NTRK3: variants seen among roughly 807,000 people sequenced by gnomAD.
NTRK3 encodes the protein neurotrophic receptor tyrosine kinase 3.
A neutral mutation model predicts 91.7 loss-of-function variants in NTRK3; 24 were observed. That is an observed-to-expected ratio of 0.26 (90% CI 0.19 to 0.37). The LOEUF is 0.37. NTRK3 is among the 10% of genes least tolerant of loss of function. NTRK3 has a pLI of 1.00. For missense variants in NTRK3, 880 were observed against 1,068.9 expected (o/e 0.82, Z 2.46); for synonymous variants, 483 against 404.0 (o/e 1.20, Z -2.34).
At chr15:87,977,032 T>G (rs2073784000) in intron 14 of NTRK3, among the ~76,000 whole-genome samples, 1 of 152,198 alleles carries the variant, frequency 6.6e-6, no homozygotes, top group Non-Finnish European at 1.5e-5. Flanking sequence ...AGGGTCTCAG[T>G]GGCCTGAGTA....
intron 13 of NTRK3, among the ~76,000 whole-genome samples, chr15:88,036,385 T>C (rs970103991): frequency 6.6e-6 from 1 of 151,296 alleles, no homozygotes; most frequent in Non-Finnish European, 1.5e-5. Context: ...TCCTTCAACA[T>C]TTGGATGGGG....
rs117562766 is a variant in NTRK3, at chr15:88,059,973, C to T, written c.1397-26928G>A. Among the ~76,000 whole-genome samples the T allele has an allele frequency of 1.7e-4, 26 of 152,284 alleles. No homozygotes were observed. In the East Asian group the frequency reaches 5.0e-3, roughly 30 times the overall value. On this transcript the variant is annotated intron_variant, in intron 13 of 18. Coordinates refer to ENST00000394480, the Ensembl canonical transcript of NTRK3. The stretch of plus-strand genomic sequence containing the variant: ...AGAGAGGCATTCGAAGAAACCAACC[C>T]TACCACTACCTTGAGCTTGAACTCC...
chr15:88,029,132 G>C (rs1429507458), intron 14 of NTRK3, among the ~76,000 whole-genome samples: 1 of 152,234 alleles, frequency 6.6e-6, no homozygotes. Flanking sequence ...TCAAGAACCA[G>C]AGGGCTATAC....
rs575485027 is a variant in NTRK3 at position 87,954,158 on chromosome 15, C to T, written c.1586-13405G>A. Among the ~76,000 whole-genome samples, 21 of 152,204 alleles carry T rather than the reference C, an allele frequency of 1.4e-4. 1 individual carries two copies. In the East Asian group the frequency reaches 3.1e-3, roughly 22 times the overall value. On this transcript the variant is annotated intron_variant, in intron 14 of 18. Transcript: ENST00000394480. The stretch of plus-strand genomic sequence containing the variant: ...CTGTGCAGGGTTCAGGCAAGGCCCA[C>T]GGCCTGGGTTGCCATCCCTCTCCTG...
In NTRK3 at chr15:88,011,847, T is replaced by C. The variant is rs1299094503; in HGVS notation, c.1585+21010A>G. Among the ~76,000 whole-genome samples the C allele has an allele frequency of 2.0e-5, 3 of 152,306 alleles. No individual in the cohort carries two copies. In the East Asian group the frequency reaches 5.8e-4, roughly 29 times the overall value. On this transcript the variant is annotated intron_variant, in intron 14 of 18. Coordinates refer to ENST00000394480, the Ensembl canonical transcript of NTRK3. Reference sequence around the variant, plus strand: ...GTAGTGCAGAAGTGAATTTCTTCTGTAGTATAACTAAGGCAGACTATGGTA... The same window carrying C: ...GTAGTGCAGAAGTGAATTTCTTCTGCAGTATAACTAAGGCAGACTATGGTA...
At chr15:88,125,510 A>C in intron 13 of NTRK3, among the ~76,000 whole-genome samples, 1 of 150,202 alleles carries the variant, frequency 6.7e-6, no homozygotes, top group Non-Finnish European at 1.5e-5. Flanking sequence ...AAACATGGAA[A>C]CCCCAGCTGG....
intron 5 of NTRK3, among the ~76,000 whole-genome samples, chr15:88,157,212 CCCT>C (rs1471246073): frequency 1.3e-5 from 2 of 151,902 alleles, no homozygotes; most frequent in African/African-American, 4.8e-5. Context: ...CGCTCTCGCT[CCCT>C]CTTCTTCCCT....
intron 3 of NTRK3, among the ~76,000 whole-genome samples, chr15:88,242,877 A>G (rs1052486850): frequency 6.6e-6 from 1 of 152,232 alleles, no homozygotes; most frequent in Non-Finnish European, 1.5e-5. Flanking sequence ...CACACCGCCA[A>G]TGCCAGGCCC....
At chr15:87,902,661 T>G (rs2066522285) in intron 17 of NTRK3, among the ~76,000 whole-genome samples, 1 of 152,060 alleles carries the variant, frequency 6.6e-6, no homozygotes, top group Non-Finnish European at 1.5e-5. Context: ...AAAACAAAAA[T>G]TTTATTATAA....
At chr15:88,231,043 G>A (rs2051139782) in intron 3 of NTRK3, among the ~76,000 whole-genome samples, 2 of 152,160 alleles carry the variant, frequency 1.3e-5, no homozygotes, top group South Asian at 4.1e-4. Flanking sequence ...TGGGTCTGCT[G>A]ATTAGAGGGA....
At chr15:88,202,048 CT>C (rs2048349675) in intron 3 of NTRK3, among the ~76,000 whole-genome samples, 1 of 151,998 alleles carries the variant, frequency 6.6e-6, no homozygotes, top group African/African-American at 2.4e-5. Flanking sequence ...ATGTGAAGAT[CT>C]ATTTTCCTCT....
intron 5 of NTRK3, among the ~76,000 whole-genome samples, chr15:88,157,384 C>A (rs2044011305): frequency 6.6e-6 from 1 of 152,052 alleles, no homozygotes; most frequent in Admixed American, 6.6e-5. Flanking sequence ...CCCCTCCCTG[C>A]CTCTCAAGGA....
intron 13 of NTRK3, among the ~76,000 whole-genome samples, chr15:88,074,009 G>A (rs1019951259): frequency 6.6e-6 from 1 of 152,222 alleles, no homozygotes; most frequent in Non-Finnish European, 1.5e-5. Context: ...ATCTGTAGAA[G>A]AAATATACCA....
intron 17 of NTRK3, among the ~76,000 whole-genome samples, chr15:87,902,640 C>T (rs928201646): frequency 6.0e-5 from 6 of 100,686 alleles, no homozygotes; most frequent in Non-Finnish European, 1.6e-4. Context: ...AGAAATAATT[C>T]CTAAACCTGG....
exon 19 of NTRK3, chr15:87,862,787 C>G: frequency 4.4e-6 from 1 of 229,634 alleles, no homozygotes; most frequent in Non-Finnish European, 8.6e-6. Flanking sequence ...AAGGCAAAAA[C>G]AGCTGTTAAA....
At chr15:88,139,575 C>T (rs1409682830) in intron 6 of NTRK3, among the ~76,000 whole-genome samples, 1 of 152,080 alleles carries the variant, frequency 6.6e-6, no homozygotes, top group Non-Finnish European at 1.5e-5. Flanking sequence ...ATCCTCTTAG[C>T]CTAAAAGTAC....
At chr15:88,107,383 C>T (rs919591726) in intron 13 of NTRK3, among the ~76,000 whole-genome samples, 2 of 152,198 alleles carry the variant, frequency 1.3e-5, no homozygotes, top group Non-Finnish European at 2.9e-5. Context: ...TTGGAGGCTA[C>T]AAAGAGCTGT....
chr15:87,878,504 C>T (rs1170609764), intron 18 of NTRK3, among the ~76,000 whole-genome samples: 1 of 152,196 alleles, frequency 6.6e-6, no homozygotes, highest in East Asian at 1.9e-4. Flanking sequence ...ATATTAGAGA[C>T]CCATTTCCAC....
At chr15:88,183,735 C>G (rs960636390) in intron 4 of NTRK3, among the ~76,000 whole-genome samples, 2 of 152,174 alleles carry the variant, frequency 1.3e-5, no homozygotes, top group African/African-American at 2.4e-5. Flanking sequence ...CTGCCCTCCA[C>G]CCATCCTGGC....
Sources: allele counts gnomAD v4.1 joint callset (sites outside exome capture counted in the v4.1 genomes callset), GRCh38; gene constraint gnomAD v4.1.1; transcripts MANE v1.5; gene names NCBI Gene and HGNC (gene_info 2026-07-23, HGNC 2026-07-21).